The following DRD3 variants were observed in gnomAD, a reference collection of about 807,000 sequenced individuals.
The protein encoded by DRD3 is D(3) dopamine receptor.
Under a neutral mutation model 36.3 loss-of-function variants are expected in DRD3, and 19 were observed. That is an observed-to-expected ratio of 0.52 (90% CI 0.36 to 0.77). DRD3 has a LOEUF of 0.77. Among genes scored for constraint, DRD3 ranks in the 30% least tolerant of loss-of-function variants. DRD3 has a pLI of 0.00. For synonymous variants in DRD3, 195 were observed against 203.7 expected (o/e 0.96, Z 0.36); for missense variants, 465 against 505.3 (o/e 0.92, Z 0.77).
At chr3:114,137,997 CAA>C (rs36094182) in intron 5 of DRD3, among the ~76,000 whole-genome samples, 2 of 62,178 alleles carry the variant, frequency 3.2e-5, no homozygotes, top group African/African-American at 1.4e-4. Flanking sequence ...GACTCCGTCT[CAA>C]AAAAAAAAAA....
At chr3:114,138,559 C>T (rs2077495931) in intron 5 of DRD3, among the ~76,000 whole-genome samples, 1 of 152,142 alleles carries the variant, frequency 6.6e-6, no homozygotes, top group Admixed American at 6.5e-5. Context: ...CAGTTACCTC[C>T]CACTGGGTCC....
intron 5 of DRD3, among the ~76,000 whole-genome samples, chr3:114,138,740 C>G (rs2077497388): frequency 6.6e-6 from 1 of 152,192 alleles, no homozygotes; most frequent in Middle Eastern, 3.2e-3. Flanking sequence ...ACATCCTATT[C>G]AGCTCTGGGA....
intron 3 of DRD3, among the ~76,000 whole-genome samples, chr3:114,152,916 C>T (rs899027399): frequency 6.6e-6 from 1 of 152,256 alleles, no homozygotes; most frequent in Non-Finnish European, 1.5e-5. Flanking sequence ...CCGCTGCGCT[C>T]GCGGCGGTAT....
intron 1 of DRD3, among the ~76,000 whole-genome samples, chr3:114,194,516 C>T (rs756585810): frequency 2.0e-5 from 3 of 152,144 alleles, no homozygotes; most frequent in African/African-American, 7.2e-5. Context: ...CTCCTGACCT[C>T]AAGTAGTCCA....
upstream of DRD3, among the ~76,000 whole-genome samples, chr3:114,182,967 A>G (rs1173801339): frequency 5.3e-5 from 8 of 152,230 alleles, no homozygotes; most frequent in Admixed American, 1.3e-4. Flanking sequence ...GTGTTCAGAT[A>G]TCTTTTTGAG....
At chr3:114,191,532 A>C (rs144636984) in intron 1 of DRD3, among the ~76,000 whole-genome samples, 9 of 152,306 alleles carry the variant, frequency 5.9e-5, no homozygotes, top group Non-Finnish European at 1.3e-4. Flanking sequence ...TTTTATTCTA[A>C]GTGGGATGGA....
chr3:114,169,596 A>G (rs2107881227), intron 2 of DRD3, among the ~76,000 whole-genome samples: 1 of 152,178 alleles, frequency 6.6e-6, no homozygotes, highest in Middle Eastern at 3.4e-3. Context: ...GGGAGAAACC[A>G]AAAACTTCAT....
At chr3:114,161,837 A>C (rs2077736532) in intron 2 of DRD3, among the ~76,000 whole-genome samples, 1 of 152,236 alleles carries the variant, frequency 6.6e-6, no homozygotes, top group Non-Finnish European at 1.5e-5. Context: ...GTCTTGCAAA[A>C]GCTGATTTTG....
intron 1 of DRD3, among the ~76,000 whole-genome samples, chr3:114,190,475 T>A (rs2078005337): frequency 2.4e-5 from 1 of 41,386 alleles, no homozygotes; most frequent in East Asian, 5.5e-4. Flanking sequence ...TTTTTTTTTT[T>A]TTTTTTTTTT....
At chr3:114,179,385 A>ATAAC, upstream of DRD3, among the ~76,000 whole-genome samples, 1 of 152,352 alleles carries the variant, frequency 6.6e-6, no homozygotes, top group South Asian at 2.1e-4. Flanking sequence ...GGCATGGCGT[A>ATAAC]TAACTGGCAA....
chr3:114,156,632 C>G (rs2107859797), intron 3 of DRD3, among the ~76,000 whole-genome samples: 1 of 152,274 alleles, frequency 6.6e-6, no homozygotes, highest in East Asian at 1.9e-4. Context: ...CAAAATCCCT[C>G]AGTGCCTCCT....
At chr3:114,157,983 T>A (rs2077697914) in intron 3 of DRD3, among the ~76,000 whole-genome samples, 1 of 152,066 alleles carries the variant, frequency 6.6e-6, no homozygotes, top group Non-Finnish European at 1.5e-5. Flanking sequence ...ATGCCTGTAA[T>A]CCCAGCTATT....
intron 1 of DRD3, among the ~76,000 whole-genome samples, chr3:114,197,179 G>A (rs926451601): frequency 1.4e-5 from 2 of 147,866 alleles, no homozygotes; most frequent in African/African-American, 5.0e-5. Context: ...TGGCATGATC[G>A]TAACTCACTG....
chr3:114,196,978 C>CT (rs1381278957), intron 1 of DRD3, among the ~76,000 whole-genome samples: 1 of 146,686 alleles, frequency 6.8e-6, no homozygotes, highest in African/African-American at 2.5e-5. Context: ...TTATTTTTTT[C>CT]TTTTTTTCTT....
chr3:114,148,428 C>T (rs577389247), intron 3 of DRD3, among the ~76,000 whole-genome samples: 186 of 152,198 alleles, frequency 1.2e-3, no homozygotes, highest in Non-Finnish European at 2.2e-3. Context: ...TTTTAAAATC[C>T]AGTTTTCATT....
At chr3:114,183,252 T>C (rs1228270522), upstream of DRD3, among the ~76,000 whole-genome samples, 2 of 152,234 alleles carry the variant, frequency 1.3e-5, no homozygotes, top group Non-Finnish European at 2.9e-5. Flanking sequence ...TACTCTGTTA[T>C]TGATTTCTAA....
chr3:114,149,446 C>T (rs2077597146), intron 3 of DRD3, among the ~76,000 whole-genome samples: 1 of 152,268 alleles, frequency 6.6e-6, no homozygotes, highest in Non-Finnish European at 1.5e-5. Context: ...CTGCCAGGTT[C>T]CAAAAATAAA....
chr3:114,145,373 T>C (rs1001428741), intron 4 of DRD3, among the ~76,000 whole-genome samples: 2 of 152,230 alleles, frequency 1.3e-5, no homozygotes, highest in South Asian at 2.1e-4. Context: ...TACTGGGCAA[T>C]GTGTGCATGT....
intron 3 of DRD3, among the ~76,000 whole-genome samples, chr3:114,151,359 A>G (rs958527558): frequency 1.3e-5 from 2 of 152,164 alleles, no homozygotes; most frequent in Non-Finnish European, 2.9e-5. Flanking sequence ...CTTTGATGTA[A>G]AAGAGCCTGA....
Sources: gnomAD v4.1 joint callset for allele counts (sites outside exome capture counted in the v4.1 genomes callset) on GRCh38, gnomAD v4.1.1 for gene constraint, MANE v1.5 for transcripts, NCBI Gene and HGNC (gene_info 2026-07-23, HGNC 2026-07-21) for gene names.